The following PCDHA4 variants were observed in gnomAD, a reference collection of about 807,000 sequenced individuals.
PCDHA4 encodes the protein protocadherin alpha-4.
In PCDHA4, 49 loss-of-function variants were observed where a neutral mutation model predicts 61.4. The observed-to-expected ratio is 0.80, with a 90% CI of 0.63 to 1.01. PCDHA4 has a LOEUF of 1.01. Among genes scored for constraint, PCDHA4 ranks in the 50% least tolerant of loss-of-function variants. PCDHA4 has a pLI of 0.00. For missense variants in PCDHA4, 1,254 were observed against 1,235.8 expected, an observed-to-expected ratio of 1.01 and a Z score of -0.22; for synonymous variants, 590 against 550.3, an observed-to-expected ratio of 1.07 and a Z score of -1.01.
intron 1 of PCDHA4, among the ~76,000 whole-genome samples, chr5:140,890,240 A>C (rs1554184230): frequency 6.6e-6 from 1 of 152,138 alleles, no homozygotes; most frequent in African/African-American, 2.4e-5. Flanking sequence ...AGCATTTACC[A>C]GTACACTACT....
intron 1 of PCDHA4, chr5:140,926,897 T>C: frequency 1.3e-6 from 2 of 1,548,696 alleles, no homozygotes; most frequent in Non-Finnish European, 1.7e-6. Context: ...GGGAGGATGG[T>C]GGGCTGTGGG....
In PCDHA4 at chr5:140,820,570, T is replaced by C. The variant is rs143023207; in HGVS notation, c.2385+10998T>C. Among the ~76,000 whole-genome samples, 141 of 152,188 alleles carry C rather than the reference T, an allele frequency of 9.3e-4. 1 individual carries two copies. Among genetic ancestry groups the C allele is most frequent in the African/African-American group, 3.3e-3 (136 of 41,568 alleles). On this transcript the variant is annotated intron_variant, in intron 1 of 3. Coordinates refer to ENST00000530339, the MANE Select transcript of PCDHA4 (RefSeq NM_018907.4). ...ACTTGGTGATATTTTCTTTTGCCCATATTTATTAAGTGAAGTTTACTAAAT... is the reference window on the plus strand; with the variant it reads ...ACTTGGTGATATTTTCTTTTGCCCACATTTATTAAGTGAAGTTTACTAAAT...
At chr5:140,924,477 T>C (rs1378646713) in intron 1 of PCDHA4, among the ~76,000 whole-genome samples, 1 of 152,230 alleles carries the variant, frequency 6.6e-6, no homozygotes, top group Admixed American at 6.5e-5. Context: ...AACTGGTTTT[T>C]AGTGGAACAC....
chr5:140,930,917 G>A (rs528997377), intron 1 of PCDHA4, among the ~76,000 whole-genome samples: 3 of 152,272 alleles, frequency 2.0e-5, no homozygotes, highest in African/African-American at 7.2e-5. Context: ...TACTTTAGAT[G>A]TGTATATGTG....
intron 1 of PCDHA4, among the ~76,000 whole-genome samples, chr5:140,947,889 A>G (rs1275614644): frequency 1.3e-5 from 2 of 151,626 alleles, no homozygotes; most frequent in Non-Finnish European, 3.0e-5. Flanking sequence ...CAATATAAAC[A>G]GAAGTGGTGA....
intron 1 of PCDHA4, chr5:140,870,013 A>C: frequency 6.2e-7 from 1 of 1,613,716 alleles, no homozygotes; most frequent in Non-Finnish European, 8.5e-7. Context: ...AGTGAGGGTC[A>C]ATGGAACTTT....
chr5:140,954,842 T>C (rs1483926115), intron 1 of PCDHA4, among the ~76,000 whole-genome samples: 1 of 152,252 alleles, frequency 6.6e-6, no homozygotes, highest in Non-Finnish European at 1.5e-5. Flanking sequence ...ATGAAATCTT[T>C]GCCTGTGCCT....
Position 140,809,337 on chromosome 5 carries a change from T to C in PCDHA4, c.2150T>C (p.Leu717Pro), listed in dbSNP as rs576165362. ...VSSLLVLTLLLYTALRCSALP... is the reference protein window; with the variant it reads ...VSSLLVLTLLPYTALRCSALP... Reference sequence around the variant, plus strand: ...AGCCTTTTGGTGCTCACGCTGCTGCTGTACACCGCGCTGCGGTGCTCTGCG... The same window carrying C: ...AGCCTTTTGGTGCTCACGCTGCTGCCGTACACCGCGCTGCGGTGCTCTGCG... Residue 717 changes from leucine to proline, a missense_variant, in exon 1 of 4, where the codon CTG becomes CCG. Transcript: ENST00000530339. The C allele has an allele frequency of 2.5e-6, 4 of 1,614,072 alleles. No homozygotes were observed. Among genetic ancestry groups the C allele is most frequent in the Non-Finnish European group, 3.4e-6 (4 of 1,179,938 alleles).
At chr5:140,842,458 A>G (rs1777969478) in intron 1 of PCDHA4, 4 of 1,613,788 alleles carry the variant, frequency 2.5e-6, no homozygotes, top group Non-Finnish European at 3.4e-6. Flanking sequence ...ACCTCGATTC[A>G]GGTGCCAACG....
chr5:140,961,025 C>G (rs1283958205), intron 1 of PCDHA4, among the ~76,000 whole-genome samples: 1 of 152,150 alleles, frequency 6.6e-6, no homozygotes, highest in African/African-American at 2.4e-5. Context: ...CACTTGCTAC[C>G]TCCTTGTTTT....
intron 1 of PCDHA4, among the ~76,000 whole-genome samples, chr5:140,837,994 C>A (rs1460349736): frequency 2.0e-5 from 3 of 150,494 alleles, no homozygotes. Context: ...TTCATCTTTC[C>A]TTTTTTTTAA....
At chr5:140,910,682 C>G (rs1280217836) in intron 1 of PCDHA4, among the ~76,000 whole-genome samples, 2 of 152,198 alleles carry the variant, frequency 1.3e-5, no homozygotes, top group East Asian at 3.8e-4. Flanking sequence ...GGAGATCAGG[C>G]ATTTCCAGCT....
rs2150224433 is a variant in PCDHA4 at position 140,834,693 on chromosome 5, A to G, written c.2385+25121A>G. 2.5e-6 allele frequency: 4 copies of G among 1,614,238 alleles called. No homozygotes were observed. In the Admixed American group the frequency reaches 6.7e-5, roughly 27 times the overall value. ...GTGCGGGCGGAGCGCGGAGTGCAGC[A>G]TCCACCTGGAGGTGATCGTGGAAAG... On this transcript the variant is annotated intron_variant, in intron 1 of 3. Coordinates refer to ENST00000530339, the MANE Select transcript of PCDHA4 (RefSeq NM_018907.4).
chr5:140,825,268 G>A (rs1348823121), intron 1 of PCDHA4: 1 of 149,918 alleles, frequency 6.7e-6, no homozygotes, highest in Non-Finnish European at 1.5e-5. Context: ...GTATGTGATT[G>A]GTTATTTTTC....
chr5:140,869,270 T>G (rs782020247), intron 1 of PCDHA4: 48 of 1,613,430 alleles, frequency 3.0e-5, no homozygotes, highest in Non-Finnish European at 4.0e-5. Context: ...GGGCTGGAGC[T>G]GGCGGAGCTG....
rs181377286 is a variant in PCDHA4 at position 140,886,682 on chromosome 5, G to C, written c.2385+77110G>C. Among the ~76,000 whole-genome samples, 463 of 151,736 alleles carry C rather than the reference G, an allele frequency of 3.1e-3. 3 individuals carry two copies. Among genetic ancestry groups the C allele is most frequent in the Middle Eastern group, 0.014 (4 of 294 alleles). The stretch of plus-strand genomic sequence containing the variant: ...CTCTACTAAAAATACAAAAATTAGC[G>C]AGGCATGGTGGCACGCGCCTGTAAT... On this transcript the variant is annotated intron_variant, in intron 1 of 3. Coordinates refer to ENST00000530339, the MANE Select transcript of PCDHA4 (RefSeq NM_018907.4).
intron 3 of PCDHA4, among the ~76,000 whole-genome samples, chr5:140,993,156 A>G (rs2097543367): frequency 6.6e-6 from 1 of 152,188 alleles, no homozygotes; most frequent in Admixed American, 6.5e-5. Context: ...TGGATTCTAA[A>G]TATTTGCCTT....
intron 1 of PCDHA4, among the ~76,000 whole-genome samples, chr5:140,921,217 T>G (rs2080100928): frequency 6.6e-6 from 1 of 152,122 alleles, no homozygotes; most frequent in African/African-American, 2.4e-5. Flanking sequence ...ATTCACGTCT[T>G]TTTTGCTAGA....
At chr5:140,825,422 A>G (rs2150139462) in intron 1 of PCDHA4, 1 of 147,148 alleles carries the variant, frequency 6.8e-6, no homozygotes, top group Non-Finnish European at 1.5e-5. Context: ...TATAATATAT[A>G]TAATAAATAT....
Sources: gnomAD v4.1 joint callset for allele counts (sites outside exome capture counted in the v4.1 genomes callset) on GRCh38, gnomAD v4.1.1 for gene constraint, MANE v1.5 for transcripts, NCBI Gene and HGNC (gene_info 2026-07-23, HGNC 2026-07-21) for gene names.